Variants in GRIA4 observed in about 807,000 individuals in gnomAD.
GRIA4 encodes glutamate receptor 4.
GRIA4 carries 34 observed loss-of-function variants against 104.0 expected under a neutral mutation model. The observed-to-expected ratio is 0.33, with a 90% CI of 0.25 to 0.44. The LOEUF (loss-of-function observed/expected upper bound fraction) is 0.44. GRIA4 is among the 20% of genes least tolerant of loss of function. The pLI is 1.00. For missense variants in GRIA4, 750 were observed against 1,096.5 expected (o/e 0.68, Z 4.46); for synonymous variants, 386 against 381.9 (o/e 1.01, Z -0.13).
chr11:105,687,664 C>A (rs1952927049), intron 3 of GRIA4, among the ~76,000 whole-genome samples: 1 of 152,142 alleles, frequency 6.6e-6, no homozygotes, highest in South Asian at 2.1e-4. Context: ...TGACATAGTT[C>A]TCAGAATTAT....
intron 4 of GRIA4, among the ~76,000 whole-genome samples, chr11:105,762,817 C>T (rs1288560737): frequency 1.3e-5 from 2 of 152,306 alleles, no homozygotes; most frequent in Non-Finnish European, 2.9e-5. Context: ...CCATGTGGAA[C>T]TGTGAGTCAA....
At chr11:105,967,933 C>T (rs1014538132) in intron 14 of GRIA4, among the ~76,000 whole-genome samples, 1 of 152,068 alleles carries the variant, frequency 6.6e-6, no homozygotes, top group Non-Finnish European at 1.5e-5. Context: ...GTAAACTTAC[C>T]TTACCCCTCC....
chr11:105,917,018 T>C (rs1253368972), intron 10 of GRIA4, among the ~76,000 whole-genome samples: 2 of 152,212 alleles, frequency 1.3e-5, no homozygotes, highest in Non-Finnish European at 2.9e-5. Flanking sequence ...TAGCATATTT[T>C]AGAAAATAAT....
At chr11:105,862,462 G>A (rs904747741) in intron 5 of GRIA4, 2 of 299,310 alleles carry the variant, frequency 6.7e-6, no homozygotes, top group Non-Finnish European at 1.2e-5. Flanking sequence ...GAAAGACTCT[G>A]TGTGAATCTT....
chr11:105,655,408 A>G (rs1412048481), intron 3 of GRIA4, among the ~76,000 whole-genome samples: 7 of 152,128 alleles, frequency 4.6e-5, no homozygotes, highest in Admixed American at 4.6e-4. Flanking sequence ...TTACATAGGT[A>G]TACATGTACC....
intron 14 of GRIA4, among the ~76,000 whole-genome samples, chr11:105,962,536 T>C (rs951713070): frequency 1.3e-5 from 2 of 152,168 alleles, no homozygotes; most frequent in African/African-American, 4.8e-5. Context: ...TAAAAACTTT[T>C]GGAAGTTTTT....
intron 10 of GRIA4, chr11:105,912,426 A>G: frequency 1.0e-6 from 1 of 963,516 alleles, no homozygotes; most frequent in Non-Finnish European, 1.2e-6. Flanking sequence ...CTTAAAACCA[A>G]AATACTGAAT....
At chr11:105,720,362 G>GT (rs1252167782) in intron 3 of GRIA4, among the ~76,000 whole-genome samples, 1 of 151,940 alleles carries the variant, frequency 6.6e-6, no homozygotes. Flanking sequence ...CTGAACTGTG[G>GT]TTTTATGTAT....
chr11:105,780,938 C>G (rs1422070271), intron 4 of GRIA4, among the ~76,000 whole-genome samples: 1 of 151,912 alleles, frequency 6.6e-6, no homozygotes, highest in Non-Finnish European at 1.5e-5. Context: ...CTTTCTTTCA[C>G]ACACACACAC....
intron 4 of GRIA4, among the ~76,000 whole-genome samples, chr11:105,841,214 C>T (rs1292052507): frequency 4.0e-5 from 6 of 151,476 alleles, no homozygotes; most frequent in Non-Finnish European, 8.8e-5. Flanking sequence ...CCGAAGATAA[C>T]GTACAGAGTG....
intron 3 of GRIA4, among the ~76,000 whole-genome samples, chr11:105,631,459 C>A (rs1217446256): frequency 2.0e-5 from 3 of 152,182 alleles, no homozygotes; most frequent in East Asian, 3.8e-4. Flanking sequence ...AATCCTTTGG[C>A]AGCCCCAGAT....
chr11:105,697,519 A>G (rs1591093605), intron 3 of GRIA4, among the ~76,000 whole-genome samples: 1 of 152,340 alleles, frequency 6.6e-6, no homozygotes, highest in East Asian at 1.9e-4. Context: ...AAGAACATGC[A>G]AATTTGCTTT....
intron 4 of GRIA4, among the ~76,000 whole-genome samples, chr11:105,804,637 A>G (rs1942868767): frequency 6.6e-6 from 1 of 152,020 alleles, no homozygotes; most frequent in Non-Finnish European, 1.5e-5. Flanking sequence ...AATGAAGGGA[A>G]AAATTATTAT....
intron 14 of GRIA4, among the ~76,000 whole-genome samples, chr11:105,938,226 C>G (rs1948098112): frequency 6.6e-6 from 1 of 152,182 alleles, no homozygotes; most frequent in Admixed American, 6.6e-5. Context: ...GCTACTTTCA[C>G]ATATAAAATT....
At chr11:105,755,136 G>A (rs1294139550) in intron 4 of GRIA4, among the ~76,000 whole-genome samples, 3 of 152,176 alleles carry the variant, frequency 2.0e-5, no homozygotes, top group Non-Finnish European at 4.4e-5. Context: ...TGAGGGGATG[G>A]AAAGAGTAGT....
intron 3 of GRIA4, among the ~76,000 whole-genome samples, chr11:105,698,015 T>C (rs1164633530): frequency 2.6e-5 from 4 of 152,128 alleles, no homozygotes; most frequent in Non-Finnish European, 5.9e-5. Flanking sequence ...TGGCAATGAT[T>C]TGAAACATGG....
At chr11:105,621,830 A>C (rs746846416) in intron 3 of GRIA4, among the ~76,000 whole-genome samples, 6 of 151,774 alleles carry the variant, frequency 4.0e-5, no homozygotes, top group Non-Finnish European at 7.4e-5. Flanking sequence ...TGTGAGAATA[A>C]TTTTTTTCTA....
intron 5 of GRIA4, among the ~76,000 whole-genome samples, chr11:105,874,552 A>C (rs894222589): frequency 6.6e-6 from 1 of 152,204 alleles, no homozygotes; most frequent in African/African-American, 2.4e-5. Flanking sequence ...ATCCATAAGC[A>C]TGGAATGTTT....
intron 5 of GRIA4, among the ~76,000 whole-genome samples, chr11:105,869,095 A>G (rs1258709545): frequency 6.6e-6 from 1 of 152,124 alleles, no homozygotes; most frequent in African/African-American, 2.4e-5. Flanking sequence ...GTCTCCTAGC[A>G]ACTGTTACCA....
Sources: allele counts gnomAD v4.1 joint callset (sites outside exome capture counted in the v4.1 genomes callset), GRCh38; gene constraint gnomAD v4.1.1; transcripts MANE v1.5; gene names NCBI Gene and HGNC (gene_info 2026-07-23, HGNC 2026-07-21).